Variants in ERCC6L2 observed in about 807,000 individuals in gnomAD.
ERCC6L2 encodes the protein DNA excision repair protein ERCC-6-like 2.
In ERCC6L2, 77 loss-of-function variants were observed where a neutral mutation model predicts 132.0. The ratio of observed to expected loss-of-function variants is 0.58; its 90% CI spans 0.49 to 0.71. The LOEUF (loss-of-function observed/expected upper bound fraction) is 0.71, where lower values mean the gene tolerates loss of function less well. Ranked by LOEUF, ERCC6L2 falls within the 30% of genes least tolerant of loss-of-function variation. ERCC6L2 has a pLI of 0.00. For missense variants in ERCC6L2, 1,542 were observed against 1,837.6 expected (o/e 0.84, Z 2.94); for synonymous variants, 583 against 632.4 (o/e 0.92, Z 1.17).
Position 95,972,084 on chromosome 9 carries a change from C to G in ERCC6L2, c.2333C>G (p.Ser778Ter). ...ACTGCCAAAAACAAAGCACCCGATT[C>G]AAGTAAAGCTTCCAGCTCTCCAGGA... ...IKTAKNKAPD[S>*]SKASSSPGQL... The change falls in exon 16 of 19, where the codon TCA (serine) becomes TGA (stop). Residue 778 changes from serine (S) to a stop codon, truncating the protein, a stop_gained. Coordinates refer to ENST00000653738, the MANE Select transcript of ERCC6L2 (RefSeq NM_020207.7). LOFTEE classifies it high-confidence loss of function. 1.5e-6 allele frequency: 2 copies of G among 1,304,278 alleles called. No homozygotes were observed. The highest frequency in any genetic ancestry group is 2.0e-6 in the Non-Finnish European group (2 of 988,958). The allele number at this position is 1,304,278 out of a possible 1,614,324, so 80.8% of individuals were successfully genotyped here.
chr9:95,974,642 A>G (rs1017744643), intron 16 of ERCC6L2, among the ~76,000 whole-genome samples: 14 of 152,098 alleles, frequency 9.2e-5, no homozygotes, highest in Non-Finnish European at 1.3e-4. Context: ...AGTGTGTTTC[A>G]AGACCACAGT....
At chr9:95,947,352 A>G (rs1162413352) in intron 12 of ERCC6L2, among the ~76,000 whole-genome samples, 1 of 152,210 alleles carries the variant, frequency 6.6e-6, no homozygotes, top group Non-Finnish European at 1.5e-5. Flanking sequence ...AGTCTCTAAC[A>G]CACTTCAGTT....
chr9:95,878,773 T>C (rs1384103219), intron 1 of ERCC6L2, among the ~76,000 whole-genome samples: 5 of 151,638 alleles, frequency 3.3e-5, no homozygotes, highest in East Asian at 1.9e-4. Context: ...TTTTTGTTCT[T>C]GCGATAGTTT....
intron 18 of ERCC6L2, among the ~76,000 whole-genome samples, chr9:96,010,310 T>C (rs551163094): frequency 2.0e-5 from 3 of 152,304 alleles, no homozygotes; most frequent in African/African-American, 7.2e-5. Flanking sequence ...CAAAAGAAAG[T>C]TGTGAGTGTG....
chr9:96,002,189 G>C (rs1451185457), intron 17 of ERCC6L2, among the ~76,000 whole-genome samples: 2 of 152,222 alleles, frequency 1.3e-5, no homozygotes, highest in African/African-American at 2.4e-5. Flanking sequence ...GGGACTGAAG[G>C]GCTCCTCAAA....
chr9:96,008,961 C>G (rs1336018201), intron 18 of ERCC6L2, among the ~76,000 whole-genome samples: 2 of 152,250 alleles, frequency 1.3e-5, no homozygotes, highest in Non-Finnish European at 1.5e-5. Flanking sequence ...CAGCCTTGCA[C>G]TTGGTGGTAA....
At chr9:95,911,635 A>AGTT (rs1421656657) in intron 4 of ERCC6L2, among the ~76,000 whole-genome samples, 12 of 152,124 alleles carry the variant, frequency 7.9e-5, no homozygotes. Context: ...GCAAATATTA[A>AGTT]GTTGTTTTTG....
chr9:95,979,332 G>A (rs2133112385), intron 17 of ERCC6L2, among the ~76,000 whole-genome samples: 1 of 152,180 alleles, frequency 6.6e-6, no homozygotes, highest in South Asian at 2.1e-4. Context: ...GGGTTGAGGG[G>A]GCCAATGGGG....
At chr9:95,936,969 T>C (rs539314619) in intron 11 of ERCC6L2, among the ~76,000 whole-genome samples, 1 of 152,332 alleles carries the variant, frequency 6.6e-6, no homozygotes, top group East Asian at 1.9e-4. Context: ...CTTTTCTTTT[T>C]ATTGCTCTTA....
rs375623442 is a variant in ERCC6L2, at chr9:95,987,057, AG to A, written c.3492+8843del. On this transcript the variant is annotated intron_variant, in intron 17 of 18. Coordinates refer to ENST00000653738, the MANE Select transcript of ERCC6L2 (RefSeq NM_020207.7). ...GAGACTTATTCACTACCACGAGAACAGTATGAGTGAAACTGCCCCTGTGATT... is the reference window on the plus strand; with the variant it reads ...GAGACTTATTCACTACCACGAGAACATATGAGTGAAACTGCCCCTGTGATT... Among the ~76,000 whole-genome samples the A allele has an allele frequency of 1.5e-4, 23 of 152,312 alleles. No homozygotes were observed. The East Asian group carries it at 4.3e-3, about 28-fold the overall frequency.
At chr9:95,884,357 T>G (rs1042412351) in intron 2 of ERCC6L2, among the ~76,000 whole-genome samples, 1 of 152,324 alleles carries the variant, frequency 6.6e-6, no homozygotes, top group Non-Finnish European at 1.5e-5. Context: ...TCTATAGATA[T>G]GACTAAGCCA....
At chr9:96,035,253 T>G (rs1834506113) in intron 19 of ERCC6L2, among the ~76,000 whole-genome samples, 1 of 152,118 alleles carries the variant, frequency 6.6e-6, no homozygotes, top group East Asian at 1.9e-4. Context: ...GTAAGGCCCC[T>G]TCTTCAGGCC....
intron 6 of ERCC6L2, 125 bp from the exon 7 acceptor site, chr9:95,921,050 C>G (rs1829842492): frequency 2.4e-6 from 2 of 842,320 alleles, no homozygotes. Flanking sequence ...ATTGGGATTA[C>G]AGGCGTGAGC....
chr9:95,929,101 A>T (rs1830226099), intron 11 of ERCC6L2: 1 of 295,338 alleles, frequency 3.4e-6, no homozygotes, highest in African/African-American at 2.2e-5. Flanking sequence ...CAATAAAAAA[A>T]TTGATACTTC....
rs550047736 is a variant in ERCC6L2, at chr9:95,946,400, C to T, written c.1847+4851C>T. 2.4e-4 allele frequency among the ~76,000 whole-genome samples: 37 copies of T among 152,130 alleles called. No individual in the cohort carries two copies. In the South Asian group the frequency reaches 6.0e-3, roughly 25 times the overall value. On this transcript the variant is annotated intron_variant, in intron 12 of 18. Coordinates refer to ENST00000653738, the MANE Select transcript of ERCC6L2 (RefSeq NM_020207.7). ...AAAATTAGCCAAGCGTGATGGCAGG[C>T]GCTTGTAGTCCCAGCTACTTGGGAG... is the stretch of plus-strand genomic sequence containing the variant.
At chr9:96,029,277 C>T (rs1834422353) in intron 19 of ERCC6L2, among the ~76,000 whole-genome samples, 1 of 133,590 alleles carries the variant, frequency 7.5e-6, no homozygotes, top group Non-Finnish European at 1.5e-5. Context: ...GCACTCCAGC[C>T]TGGGTGACAG....
rs544213164 is a variant in ERCC6L2, at chr9:96,012,650, T to C, written c.4100T>C (p.Ile1367Thr). The C allele has an allele frequency of 7.3e-7, 1 of 1,367,572 alleles. No homozygotes were observed. The highest frequency in any genetic ancestry group is 1.5e-5 in the African/African-American group (1 of 67,814). The allele number at this position is 1,367,572 out of a possible 1,614,324, so 84.7% of individuals were successfully genotyped here. Residue 1367 changes from isoleucine to threonine, a missense_variant, in exon 19 of 19, where the codon ATT becomes ACT. By Grantham distance (89) the Ile-to-Thr change is moderately conservative. Transcript: ENST00000653738. ...TCACCTGTTAGTTCTACTCAAGAGA[T>C]TGACAGTGGGAAAAACAGCCAGGCA... The part of the protein sequence containing the change: ...KKSPVSSTQE[I>T]DSGKNSQASE...
At chr9:95,920,183 G>A (rs1829794672) in intron 6 of ERCC6L2, among the ~76,000 whole-genome samples, 1 of 152,114 alleles carries the variant, frequency 6.6e-6, no homozygotes, top group Non-Finnish European at 1.5e-5. Flanking sequence ...GTTACACCAA[G>A]TGTGCCTGCC....
In ERCC6L2 at chr9:96,038,833, A is replaced by G. The variant is rs117372877; in HGVS notation, c.*1504-43A>G. The G allele has an allele frequency of 3.5e-4, 160 of 456,274 alleles. 1 individual carries two copies. The highest frequency in any genetic ancestry group is 5.9e-4 in the Non-Finnish European group (133 of 226,942). The allele number at this position is 456,274 out of a possible 1,614,324, so 28.3% of individuals were successfully genotyped here. A position where few individuals can be genotyped will look rare whatever the true frequency, so the allele number is the denominator to read the frequency against. ...GGACTTAACGATTTGCTTTTAATGAACAAAATGTAGCAGCAGTAACAATGT... is the reference window on the plus strand; with the variant it reads ...GGACTTAACGATTTGCTTTTAATGAGCAAAATGTAGCAGCAGTAACAATGT... On this transcript the variant is annotated intron_variant and NMD_transcript_variant, in intron 19 of 20. Coordinates refer to the ERCC6L2 transcript ENST00000670016.
Sources: allele counts gnomAD v4.1 joint callset (sites outside exome capture counted in the v4.1 genomes callset), GRCh38; gene constraint gnomAD v4.1.1; transcripts MANE v1.5; gene names NCBI Gene and HGNC (gene_info 2026-07-23, HGNC 2026-07-21).